FAM53B: variants seen among roughly 807,000 people sequenced by gnomAD.
The protein encoded by FAM53B is family with sequence similarity 53 member B, also known as protein FAM53B.
A neutral mutation model predicts 32.7 loss-of-function variants in FAM53B; 12 were observed. The ratio of observed to expected loss-of-function variants is 0.37; its 90% CI spans 0.24 to 0.59. The LOEUF (loss-of-function observed/expected upper bound fraction) is 0.59, where lower values mean the gene tolerates loss of function less well. Ranked by LOEUF, FAM53B falls within the 20% of genes least tolerant of loss-of-function variation. The probability of loss-of-function intolerance (pLI) is 0.72; values close to 1 mark genes in which losing one functional copy is unlikely to be tolerated. For missense variants in FAM53B, 477 were observed against 577.7 expected (o/e 0.83, Z 1.79); for synonymous variants, 234 against 228.7 (o/e 1.02, Z -0.21).
chr10:124,691,870 C>T (rs1949834788), intron 3 of FAM53B, among the ~76,000 whole-genome samples: 2 of 152,244 alleles, frequency 1.3e-5, no homozygotes, highest in African/African-American at 4.8e-5. Flanking sequence ...GGATGACTCT[C>T]AGCCACAGCC....
chr10:124,711,065 C>T (rs181900482), intron 1 of FAM53B, among the ~76,000 whole-genome samples: 8 of 152,262 alleles, frequency 5.3e-5, no homozygotes, highest in South Asian at 4.1e-4. Flanking sequence ...ACTCCACAGA[C>T]GCTTTGCTGG....
chr10:124,675,474 GCTTT>G (rs1277142618), intron 4 of FAM53B, among the ~76,000 whole-genome samples: 1 of 152,170 alleles, frequency 6.6e-6, no homozygotes, highest in Non-Finnish European at 1.5e-5. Flanking sequence ...GCAGGCCCGG[GCTTT>G]CTTTGTTCAT....
Position 124,622,566 on chromosome 10 carries a change from C to A in FAM53B, c.*676G>T, listed in dbSNP as rs1385914348. ...CCAACACGGGAGGCCCTAACAAGCA[C>A]CCTCCAAATCGTTCCTTGGGCCCGA... On this transcript the variant is annotated 3_prime_UTR_variant, in exon 5 of 5. Coordinates refer to ENST00000337318, the MANE Select transcript of FAM53B (RefSeq NM_014661.4). 6.6e-6 allele frequency: 1 copy of A among 152,462 alleles called. No homozygotes were observed. Among genetic ancestry groups the A allele is most frequent in the Non-Finnish European group, 1.5e-5 (1 of 68,076 alleles). 9.4% of individuals were successfully genotyped at this position (152,462 alleles called of 1,614,324 possible).
intron 1 of FAM53B, among the ~76,000 whole-genome samples, chr10:124,736,077 G>T (rs1290301243): frequency 6.6e-6 from 1 of 152,236 alleles, no homozygotes; most frequent in Non-Finnish European, 1.5e-5. Context: ...ACCCCTGCCT[G>T]CCCAGTCACA....
At chr10:124,716,354 G>C (rs1264902258) in intron 1 of FAM53B, among the ~76,000 whole-genome samples, 2 of 152,172 alleles carry the variant, frequency 1.3e-5, no homozygotes, top group East Asian at 3.9e-4. Context: ...TTAATGGAAG[G>C]GGGAAAAACA....
intron 4 of FAM53B, 146 bp downstream of exon 4, chr10:124,681,461 T>G (rs995592635): frequency 7.1e-6 from 5 of 705,216 alleles, no homozygotes; most frequent in African/African-American, 1.8e-5. Flanking sequence ...AAATAATCTT[T>G]CTTTGAATAG....
At chr10:124,666,107 C>T (rs1409320306) in intron 4 of FAM53B, among the ~76,000 whole-genome samples, 2 of 152,200 alleles carry the variant, frequency 1.3e-5, no homozygotes, top group Non-Finnish European at 2.9e-5. Flanking sequence ...ACTCTGAGGG[C>T]CCAGAAAGTT....
At chr10:124,727,265 G>A (rs980625967) in intron 1 of FAM53B, among the ~76,000 whole-genome samples, 1 of 139,446 alleles carries the variant, frequency 7.2e-6, no homozygotes. Context: ...CGATCTGCCT[G>A]CCTCAGCCTC....
chr10:124,730,120 TGAA>T lies in FAM53B; in HGVS notation c.-175+13890_-175+13892del, dbSNP rs1172894055. On this transcript the variant is annotated intron_variant, in intron 1 of 4. Transcript: ENST00000337318. ...CACAGTAGCCATCATTTTGAATGAA[TGAA>T]GTAGTTCTTTATCTGATGCCCATGG... is the stretch of plus-strand genomic sequence containing the variant. Among the ~76,000 whole-genome samples, 4 of 152,346 alleles carry T rather than the reference TGAA, an allele frequency of 2.6e-5. No individual in the cohort carries two copies. The South Asian group carries it at 6.2e-4, about 24-fold the overall frequency.
chr10:124,659,011 T>C (rs1949612934), intron 4 of FAM53B, among the ~76,000 whole-genome samples: 1 of 152,224 alleles, frequency 6.6e-6, no homozygotes, highest in Non-Finnish European at 1.5e-5. Context: ...GTGTCTGTGG[T>C]GGTAACCTGG....
chr10:124,714,914 T>A (rs1950030289), intron 1 of FAM53B, among the ~76,000 whole-genome samples: 1 of 152,138 alleles, frequency 6.6e-6, no homozygotes. Flanking sequence ...CCTCAGAGTA[T>A]CCCTATCAGA....
chr10:124,623,887 C>T (rs550371420), intron 4 of FAM53B: 12 of 415,766 alleles, frequency 2.9e-5, no homozygotes, highest in Non-Finnish European at 4.3e-5. Flanking sequence ...TGGGGGGCTG[C>T]GGTGAAACAG....
At chr10:124,626,394 C>G (rs955285931) in intron 4 of FAM53B, among the ~76,000 whole-genome samples, 4 of 145,982 alleles carry the variant, frequency 2.7e-5, no homozygotes, top group African/African-American at 7.4e-5. Flanking sequence ...TTGTGCCCCC[C>G]CCCCCCCCAC....
intron 1 of FAM53B, among the ~76,000 whole-genome samples, chr10:124,739,049 A>AC (rs1950186353): frequency 1.3e-5 from 2 of 150,010 alleles, no homozygotes; most frequent in Non-Finnish European, 2.9e-5. Flanking sequence ...AAAACAAAAA[A>AC]AAAAAAACAA....
chr10:124,628,784 T>C (rs1477742746), intron 4 of FAM53B, among the ~76,000 whole-genome samples: 1 of 152,180 alleles, frequency 6.6e-6, no homozygotes, highest in Non-Finnish European at 1.5e-5. Flanking sequence ...GACCAACAGG[T>C]GCAGGGACAG....
intron 4 of FAM53B, among the ~76,000 whole-genome samples, chr10:124,678,755 G>A (rs1205782587): frequency 1.3e-5 from 2 of 152,202 alleles, no homozygotes; most frequent in African/African-American, 4.8e-5. Context: ...GGACCTCAGA[G>A]CTTCCTGCCC....
rs762152862 is a variant in FAM53B, at chr10:124,706,667, G to A, written c.47C>T (p.Ser16Phe). Residue 16 changes from serine to phenylalanine, a missense_variant, in exon 2 of 5, where the codon TCC becomes TTC. Around this residue, in one of 2 missense-constraint regions of FAM53B, gnomAD observed 312 missense variants for 420.2 expected, o/e 0.74. Transcript: ENST00000337318. ...ACGGCTGAAGGTCCCACATGCAATG[G>A]AGTCAGCTCCCCGGGTGCTGAGGCT... ...SESLSTRGAD[S>F]IACGTFSREL... 15 of 1,614,092 alleles carry A rather than the reference G, an allele frequency of 9.3e-6. No homozygotes were observed. Among genetic ancestry groups the A allele is most frequent in the Non-Finnish European group, 1.7e-6 (2 of 1,180,046 alleles).
At chr10:124,670,983 G>T (rs1255282617) in intron 4 of FAM53B, among the ~76,000 whole-genome samples, 1 of 152,220 alleles carries the variant, frequency 6.6e-6, no homozygotes, top group Non-Finnish European at 1.5e-5. Flanking sequence ...GCTGAGTGAA[G>T]AACTAGGACG....
chr10:124,626,606 C>G (rs1021374334), intron 4 of FAM53B, among the ~76,000 whole-genome samples: 2 of 152,204 alleles, frequency 1.3e-5, no homozygotes, highest in Non-Finnish European at 2.9e-5. Context: ...CTTGGACTTC[C>G]CAGCTTCTAA....
Sources: gnomAD v4.1 joint callset for allele counts (sites outside exome capture counted in the v4.1 genomes callset) on GRCh38, gnomAD v4.1.1 for gene constraint, gnomAD v4.1.1 regional missense constraint, MANE v1.5 for transcripts, NCBI Gene and HGNC (gene_info 2026-07-23, HGNC 2026-07-21) for gene names.